CTNNA1: variants seen among roughly 807,000 people sequenced by gnomAD.
CTNNA1 encodes the protein catenin alpha 1.
CTNNA1 carries 37 observed loss-of-function variants against 98.4 expected under a neutral mutation model. The ratio of observed to expected loss-of-function variants is 0.38; its 90% CI spans 0.29 to 0.49. The LOEUF (loss-of-function observed/expected upper bound fraction) is 0.49. CTNNA1 is among the 20% of genes least tolerant of loss of function. The pLI is 0.95. For missense variants in CTNNA1, 761 were observed against 1,147.2 expected, an observed-to-expected ratio of 0.66 and a Z score of 4.86; for synonymous variants, 404 against 413.2, an observed-to-expected ratio of 0.98 and a Z score of 0.27.
Position 138,934,368 on chromosome 5 carries a change from G to C in CTNNA1, c.*279G>C, listed in dbSNP as rs1412000713. ...AATCCCACATTAGCTTGTTAGTAAT[G>C]CTCTGACCAAGCCGAGATGCCCATT... On this transcript the variant is annotated 3_prime_UTR_variant, in exon 18 of 18. Transcript: ENST00000302763. 1 of 387,702 alleles carries C rather than the reference G, an allele frequency of 2.6e-6. No homozygotes were observed. The highest frequency in any genetic ancestry group is 3.3e-5 in the South Asian group (1 of 30,596). 24.0% of individuals were successfully genotyped at this position (387,702 alleles called of 1,614,324 possible).
At chr5:138,795,976 T>C (rs1315556751) in intron 3 of CTNNA1, among the ~76,000 whole-genome samples, 2 of 152,228 alleles carry the variant, frequency 1.3e-5, no homozygotes, top group African/African-American at 2.4e-5. Flanking sequence ...GGTAGAGATA[T>C]GTTGGGTTTG....
intron 6 of CTNNA1, among the ~76,000 whole-genome samples, chr5:138,825,620 A>T (rs1029592728): frequency 2.7e-5 from 4 of 149,772 alleles, no homozygotes; most frequent in Non-Finnish European, 3.0e-5. Context: ...AATATAGAAT[A>T]AAAAAAAATT....
chr5:138,894,275 C>CTTTCTT (rs1554101376), intron 9 of CTNNA1, among the ~76,000 whole-genome samples: 1 of 80,060 alleles, frequency 1.2e-5, no homozygotes, highest in Non-Finnish European at 3.0e-5. Flanking sequence ...CTTTACTTTT[C>CTTTCTT]TTTCTCTTTT....
At chr5:138,910,735 C>T (rs1760425889) in intron 10 of CTNNA1, among the ~76,000 whole-genome samples, 1 of 152,086 alleles carries the variant, frequency 6.6e-6, no homozygotes, top group Admixed American at 6.6e-5. Flanking sequence ...AATGACAGAG[C>T]AAACCACGGA....
intron 16 of CTNNA1, chr5:138,932,280 G>A: frequency 8.6e-7 from 1 of 1,166,214 alleles, no homozygotes; most frequent in South Asian, 3.0e-5. Context: ...TGGCCAGGGT[G>A]GTTTCCCCGC....
intron 10 of CTNNA1, among the ~76,000 whole-genome samples, chr5:138,907,077 A>G (rs1253227090): frequency 2.6e-5 from 4 of 152,134 alleles, no homozygotes; most frequent in Non-Finnish European, 5.9e-5. Flanking sequence ...GCTGGAGTGC[A>G]GTAGCATGAT....
chr5:138,935,032 A>T lies in CTNNA1; in HGVS notation c.*943A>T, dbSNP rs373964694. Reference sequence around the variant, plus strand: ...CAATAAAGTCCACTATGAAACCACGACATCCAAGAGCCCAAAGTCGTCTTC... The same window carrying T: ...CAATAAAGTCCACTATGAAACCACGTCATCCAAGAGCCCAAAGTCGTCTTC... On this transcript the variant is annotated 3_prime_UTR_variant, in exon 18 of 18. Coordinates refer to ENST00000302763, the MANE Select transcript of CTNNA1 (RefSeq NM_001903.5). The T allele has an allele frequency of 1.3e-5, 2 of 152,256 alleles. No individual in the cohort carries two copies. Among genetic ancestry groups the T allele is most frequent in the South Asian group, 4.1e-4 (2 of 4,836 alleles). The allele number at this position is 152,256 out of a possible 1,614,324, so 9.4% of individuals were successfully genotyped here. A position where few individuals can be genotyped will look rare whatever the true frequency, so the allele number is the denominator to read the frequency against.
chr5:138,803,548 T>G (rs1214164521), intron 3 of CTNNA1, among the ~76,000 whole-genome samples: 3 of 152,174 alleles, frequency 2.0e-5, no homozygotes, highest in Non-Finnish European at 2.9e-5. Flanking sequence ...GCCACTTGTC[T>G]TCTTCGTTGT....
At chr5:138,833,271 AT>A (rs1474561714) in intron 7 of CTNNA1, among the ~76,000 whole-genome samples, 1 of 152,210 alleles carries the variant, frequency 6.6e-6, no homozygotes, top group African/African-American at 2.4e-5. Flanking sequence ...GTTAGGGCTT[AT>A]AATTGGTAAG....
At chr5:138,913,072 A>T (rs1760991416) in intron 10 of CTNNA1, among the ~76,000 whole-genome samples, 1 of 146,746 alleles carries the variant, frequency 6.8e-6, no homozygotes, top group Non-Finnish European at 1.5e-5. Context: ...TTTTTTTTTA[A>T]CTTTCGTTCA....
At chr5:138,905,111 A>AAAACATACATAC (rs1554105203) in intron 10 of CTNNA1, among the ~76,000 whole-genome samples, 7 of 139,270 alleles carry the variant, frequency 5.0e-5, no homozygotes, top group Non-Finnish European at 1.1e-4. Flanking sequence ...AAAAAAAAAA[A>AAAACATACATAC]ATACATACAT....
At chr5:138,892,238 G>T (rs923048019) in intron 9 of CTNNA1, among the ~76,000 whole-genome samples, 2 of 147,978 alleles carry the variant, frequency 1.4e-5, no homozygotes, top group Non-Finnish European at 3.0e-5. Context: ...ACCTATCTCA[G>T]ATATTTTGGG....
intron 3 of CTNNA1, among the ~76,000 whole-genome samples, chr5:138,800,513 G>A (rs1241018758): frequency 1.3e-5 from 2 of 152,158 alleles, no homozygotes; most frequent in African/African-American, 4.8e-5. Context: ...TGCAGCAGAA[G>A]GCCAGGTGCA....
intron 9 of CTNNA1, among the ~76,000 whole-genome samples, chr5:138,896,291 G>C (rs1328627327): frequency 1.3e-5 from 2 of 152,056 alleles, no homozygotes; most frequent in African/African-American, 4.8e-5. Flanking sequence ...CAAACTCCTG[G>C]CCTCAAGATA....
In CTNNA1 at chr5:138,933,778, T is replaced by A. The variant is rs1243702984; in HGVS notation, c.2434-24T>A. 2.5e-6 allele frequency: 4 copies of A among 1,607,338 alleles called. No homozygotes were observed. The South Asian group carries it at 4.4e-5, about 18-fold the overall frequency. ...AGGCTGGAGGTCAGGCCGGTGCTTCTTACCACCCCTGTCTGCCTCGTAGGT... is the reference window on the plus strand; with the variant it reads ...AGGCTGGAGGTCAGGCCGGTGCTTCATACCACCCCTGTCTGCCTCGTAGGT... On this transcript the variant is annotated intron_variant, in intron 17 of 17. Coordinates refer to ENST00000302763, the MANE Select transcript of CTNNA1 (RefSeq NM_001903.5).
chr5:138,905,091 C>T (rs1187437994), intron 10 of CTNNA1, among the ~76,000 whole-genome samples: 1 of 108,350 alleles, frequency 9.2e-6, no homozygotes, highest in Non-Finnish European at 1.9e-5. Context: ...AAGACTCCGT[C>T]TCAAAAAAAA....
chr5:138,852,463 TG>T (rs543631762), intron 7 of CTNNA1, among the ~76,000 whole-genome samples: 152 of 31,362 alleles, frequency 4.8e-3, no homozygotes, highest in Middle Eastern at 0.019. Flanking sequence ...CTTTGGGGGG[TG>T]GGGGGGGTAC....
chr5:138,846,925 A>C (rs957035535), intron 7 of CTNNA1, among the ~76,000 whole-genome samples: 1 of 152,342 alleles, frequency 6.6e-6, no homozygotes, highest in Middle Eastern at 3.4e-3. Flanking sequence ...AAGATTCTGC[A>C]TATAATCACC....
At chr5:138,774,591 T>C (rs1364384176) in intron 1 of CTNNA1, among the ~76,000 whole-genome samples, 4 of 152,076 alleles carry the variant, frequency 2.6e-5, no homozygotes, top group African/African-American at 9.7e-5. Context: ...TTGCAATTCA[T>C]TATTGTGCTG....
Sources: allele counts gnomAD v4.1 joint callset (sites outside exome capture counted in the v4.1 genomes callset), GRCh38; gene constraint gnomAD v4.1.1; transcripts MANE v1.5; gene names NCBI Gene and HGNC (gene_info 2026-07-23, HGNC 2026-07-21).